The following GALNT2 variants were observed in gnomAD, a reference collection of about 807,000 sequenced individuals.
The protein encoded by GALNT2 is polypeptide N-acetylgalactosaminyltransferase 2.
A neutral mutation model predicts 81.4 loss-of-function variants in GALNT2; 31 were observed. The observed-to-expected ratio is 0.38, with a 90% CI of 0.29 to 0.51. The LOEUF (loss-of-function observed/expected upper bound fraction) is 0.51, where lower values mean the gene tolerates loss of function less well. Ranked by LOEUF, GALNT2 falls within the 20% of genes least tolerant of loss-of-function variation. GALNT2 has a pLI of 0.87. For synonymous variants in GALNT2, 303 were observed against 287.4 expected (o/e 1.05, Z -0.55); for missense variants, 629 against 765.7 (o/e 0.82, Z 2.11).
intron 1 of GALNT2, among the ~76,000 whole-genome samples, chr1:230,072,371 CG>C (rs113379046): frequency 1.8e-5 from 1 of 55,294 alleles, no homozygotes; most frequent in Non-Finnish European, 4.4e-5. Flanking sequence ...GCGGGGGTGG[CG>C]GGGGGTGCGG....
At chr1:230,160,479 A>C (rs1572033702) in intron 1 of GALNT2, among the ~76,000 whole-genome samples, 1 of 152,202 alleles carries the variant, frequency 6.6e-6, no homozygotes, top group Non-Finnish European at 1.5e-5. Context: ...TGGGAGGCCA[A>C]GGCAGGTGGA....
chr1:230,183,710 G>A (rs1207378332), intron 2 of GALNT2, among the ~76,000 whole-genome samples: 1 of 152,214 alleles, frequency 6.6e-6, no homozygotes, highest in Non-Finnish European at 1.5e-5. Context: ...AGGAGCAGTG[G>A]CTCATGCCTG....
intron 1 of GALNT2, among the ~76,000 whole-genome samples, chr1:230,137,335 G>A (rs1233638542): frequency 1.3e-5 from 2 of 152,194 alleles, no homozygotes; most frequent in East Asian, 3.9e-4. Flanking sequence ...TATGGCCGAA[G>A]CCACTTCTGC....
intron 3 of GALNT2, among the ~76,000 whole-genome samples, chr1:230,223,268 C>T (rs1420628917): frequency 1.3e-5 from 2 of 151,004 alleles, no homozygotes; most frequent in Non-Finnish European, 2.9e-5. Flanking sequence ...CCTTTTTTGC[C>T]ATACATTTTG....
At chr1:230,178,114 CAGGGCCA>C in intron 1 of GALNT2, 97 bp from the exon 2 acceptor site, 2 of 829,404 alleles carry the variant, frequency 2.4e-6, no homozygotes, top group Non-Finnish European at 3.8e-6. Context: ...AGTGCATCCC[CAGGGCCA>C]AGTGTTAACT....
chr1:230,248,649 A>AT (rs1665450236), intron 8 of GALNT2, among the ~76,000 whole-genome samples: 1 of 152,106 alleles, frequency 6.6e-6, no homozygotes, highest in African/African-American at 2.4e-5. Context: ...CCGCTGGCTC[A>AT]TTTTCCCTTA....
chr1:230,237,689 T>G, intron 6 of GALNT2, among the ~76,000 whole-genome samples: 1 of 152,162 alleles, frequency 6.6e-6, no homozygotes, highest in East Asian at 1.9e-4. Flanking sequence ...CCTTGCCTTC[T>G]AAACAAGCTG....
intron 1 of GALNT2, among the ~76,000 whole-genome samples, chr1:230,118,262 A>G (rs542476789): frequency 6.6e-6 from 1 of 152,360 alleles, no homozygotes; most frequent in Non-Finnish European, 1.5e-5. Context: ...GACAAAGGAC[A>G]TCTTGGTTGT....
intron 1 of GALNT2, among the ~76,000 whole-genome samples, chr1:230,118,220 A>G (rs1385102599): frequency 2.6e-5 from 4 of 152,220 alleles, no homozygotes; most frequent in Non-Finnish European, 4.4e-5. Flanking sequence ...GATATACCAC[A>G]GTTAATCCAT....
intron 9 of GALNT2, among the ~76,000 whole-genome samples, chr1:230,249,961 G>A (rs1202017722): frequency 6.6e-6 from 1 of 152,212 alleles, no homozygotes; most frequent in African/African-American, 2.4e-5. Flanking sequence ...CCCCTTCCTG[G>A]GATGATGAAG....
intron 3 of GALNT2, among the ~76,000 whole-genome samples, chr1:230,210,123 A>C (rs565327042): frequency 1.3e-5 from 2 of 152,190 alleles, no homozygotes; most frequent in South Asian, 4.2e-4. Flanking sequence ...CGGGATCCAA[A>C]CTCCTTTCCA....
At position 230,250,487 on chromosome 1, in the gene GALNT2, G is replaced by A; in HGVS notation, c.936G>A (p.Val312=). 6.2e-7 allele frequency: 1 copy of A among 1,614,054 alleles called. No individual in the cohort carries two copies. The highest frequency in any genetic ancestry group is 8.5e-7 in the Non-Finnish European group (1 of 1,179,960). Residue 312 remains valine, a synonymous_variant, in exon 10 of 16, where the codon GTG becomes GTA. Transcript: ENST00000366672. ...CCATGATTGCTGGTGGGCTGTTTGT[G>A]ATGGATAAGTTCTATTTTGAAGAAC... ...KTPMIAGGLF[V]MDKFYFEELG...
At chr1:230,262,488 A>G (rs927307761) in intron 11 of GALNT2, 85 bp from the exon 12 acceptor site, 16 of 1,174,758 alleles carry the variant, frequency 1.4e-5, no homozygotes, top group Admixed American at 3.6e-5. Context: ...GAGCCGCCTC[A>G]GTCACACGCC....
intron 11 of GALNT2, among the ~76,000 whole-genome samples, chr1:230,256,157 G>C (rs548027257): frequency 6.6e-6 from 1 of 151,942 alleles, no homozygotes. Flanking sequence ...GCCTCACCTC[G>C]GCTGGGCATG....
At chr1:230,157,173 C>T (rs1392395564) in intron 1 of GALNT2, among the ~76,000 whole-genome samples, 3 of 152,220 alleles carry the variant, frequency 2.0e-5, no homozygotes, top group Non-Finnish European at 4.4e-5. Flanking sequence ...AACATTGGAA[C>T]TTACTGTGTA....
intron 2 of GALNT2, among the ~76,000 whole-genome samples, chr1:230,198,904 A>T (rs989882063): frequency 6.6e-6 from 1 of 152,090 alleles, no homozygotes; most frequent in African/African-American, 2.4e-5. Context: ...TTCTTTTCTC[A>T]TGTTATTTAA....
intron 6 of GALNT2, among the ~76,000 whole-genome samples, chr1:230,240,054 A>G (rs934710036): frequency 2.0e-5 from 3 of 152,256 alleles, no homozygotes; most frequent in African/African-American, 4.8e-5. Context: ...GTCAGTATCT[A>G]TTAAATAAAG....
At chr1:230,103,497 G>A (rs540484396) in intron 1 of GALNT2, among the ~76,000 whole-genome samples, 2 of 152,312 alleles carry the variant, frequency 1.3e-5, no homozygotes, top group African/African-American at 4.8e-5. Context: ...TTCAGCCTTG[G>A]TGGTTGGAAA....
chr1:230,267,690 A>G (rs995311951), intron 14 of GALNT2, among the ~76,000 whole-genome samples: 1 of 152,178 alleles, frequency 6.6e-6, no homozygotes, highest in Non-Finnish European at 1.5e-5. Context: ...AGGAACCCAT[A>G]CAGGGGGAGG....
Sources: allele counts gnomAD v4.1 joint callset (sites outside exome capture counted in the v4.1 genomes callset), GRCh38; gene constraint gnomAD v4.1.1; transcripts MANE v1.5; gene names NCBI Gene and HGNC (gene_info 2026-07-23, HGNC 2026-07-21).